The following C12orf42 variants were observed in gnomAD, a reference collection of about 807,000 sequenced individuals.
C12orf42 encodes the protein chromosome 12 open reading frame 42.
In C12orf42, 25 loss-of-function variants were observed where a neutral mutation model predicts 21.6. The observed-to-expected ratio is 1.16, with a 90% CI of 0.84 to 1.62. C12orf42 has a LOEUF of 1.62. Ranked by LOEUF, C12orf42 falls within the 40% of genes most tolerant of loss-of-function variation. The pLI, the probability that C12orf42 is intolerant of heterozygous loss-of-function variation, is 0.00. For synonymous variants in C12orf42, 174 were observed against 175.0 expected (o/e 0.99, Z 0.05); for missense variants, 483 against 459.3 (o/e 1.05, Z -0.47).
intron 10 of C12orf42, among the ~76,000 whole-genome samples, chr12:103,259,006 G>T (rs940108595): frequency 6.6e-6 from 1 of 152,112 alleles, no homozygotes; most frequent in Non-Finnish European, 1.5e-5. Flanking sequence ...AAACAAGGTG[G>T]TGTTCTTGCC....
chr12:103,066,526 C>G, the C12orf42 span, among the ~76,000 whole-genome samples: 75 of 152,324 alleles, frequency 4.9e-4, no homozygotes, highest in African/African-American at 1.7e-3. Flanking sequence ...CAAAAGCAGA[C>G]AGCTGCAGCA....
the C12orf42 span, among the ~76,000 whole-genome samples, chr12:103,552,210 T>C: frequency 6.6e-6 from 1 of 152,218 alleles, no homozygotes; most frequent in African/African-American, 2.4e-5. Context: ...ATTTAAATTG[T>C]AGTGTGAACA....
At chr12:103,164,480 A>G in the C12orf42 span, 1 of 454,810 alleles carries the variant, frequency 2.2e-6, no homozygotes, top group African/African-American at 2.0e-5. Context: ...GAATTACTGA[A>G]TAAGTGAGTA....
At chr12:103,309,338 A>G (rs1416785112) in intron 4 of C12orf42, among the ~76,000 whole-genome samples, 1 of 152,208 alleles carries the variant, frequency 6.6e-6, no homozygotes, top group Non-Finnish European at 1.5e-5. Context: ...ATCCACTTCC[A>G]CTTAATGAAT....
chr12:103,541,689 T>G, the C12orf42 span, among the ~76,000 whole-genome samples: 2 of 152,240 alleles, frequency 1.3e-5, no homozygotes, highest in African/African-American at 4.8e-5. Context: ...GAAACAGTAT[T>G]CTGGCAGCAG....
intron 2 of C12orf42, among the ~76,000 whole-genome samples, chr12:103,444,405 G>A (rs760759797): frequency 4.6e-5 from 7 of 152,122 alleles, no homozygotes; most frequent in Non-Finnish European, 8.8e-5. Flanking sequence ...ATCATTTATT[G>A]TATAATTCTG....
chr12:103,307,033 G>A (rs1385891143), intron 4 of C12orf42, among the ~76,000 whole-genome samples: 2 of 152,118 alleles, frequency 1.3e-5, no homozygotes, highest in Non-Finnish European at 2.9e-5. Flanking sequence ...TCCTACCCTA[G>A]GGGCTTCAGA....
At chr12:103,268,777 C>T (rs1555240822) in exon 7 of C12orf42, 2 of 152,104 alleles carry the variant, frequency 1.3e-5, no homozygotes, top group Non-Finnish European at 2.9e-5. Flanking sequence ...TACTAATAGT[C>T]ATGGGTTCAT....
chr12:103,553,050 A>C, the C12orf42 span, among the ~76,000 whole-genome samples: 4 of 152,140 alleles, frequency 2.6e-5, no homozygotes, highest in Middle Eastern at 3.2e-3. Flanking sequence ...TTACAATTCA[A>C]GATGAGATTT....
At chr12:103,218,354 C>A in the C12orf42 span, among the ~76,000 whole-genome samples, 1 of 151,776 alleles carries the variant, frequency 6.6e-6, no homozygotes, top group Admixed American at 6.6e-5. Flanking sequence ...ATAGACTAAA[C>A]CTGGTTTTAG....
intron 4 of C12orf42, among the ~76,000 whole-genome samples, chr12:103,312,495 G>C (rs1164942017): frequency 6.6e-6 from 1 of 152,180 alleles, no homozygotes; most frequent in Non-Finnish European, 1.5e-5. Context: ...TCTCTAAATT[G>C]CTCAAAGTTC....
the C12orf42 span, among the ~76,000 whole-genome samples, chr12:103,545,763 G>T: frequency 6.6e-6 from 1 of 152,154 alleles, no homozygotes; most frequent in South Asian, 2.1e-4. Flanking sequence ...CTCTTTCCCA[G>T]ATCAGTCCTG....
At chr12:103,478,525 T>C (rs906860892) in intron 1 of C12orf42, 78 bp from the exon 2 acceptor site, 50 of 613,302 alleles carry the variant, frequency 8.2e-5, no homozygotes, top group African/African-American at 5.6e-4. Context: ...ATGACATCTT[T>C]AAGAGCCAGA....
intron 10 of C12orf42, among the ~76,000 whole-genome samples, chr12:103,252,701 G>C (rs1416941521): frequency 6.6e-6 from 1 of 152,054 alleles, no homozygotes; most frequent in Non-Finnish European, 1.5e-5. Context: ...TTAGCCCTTT[G>C]TCAAATGAAT....
chr12:103,245,750 A>G (rs1243080650), intron 10 of C12orf42, among the ~76,000 whole-genome samples: 2 of 152,134 alleles, frequency 1.3e-5, no homozygotes, highest in Non-Finnish European at 2.9e-5. Context: ...TGTATAAAAC[A>G]TTACTTTGCC....
the C12orf42 span, among the ~76,000 whole-genome samples, chr12:103,217,552 C>T: frequency 6.7e-6 from 1 of 149,262 alleles, no homozygotes; most frequent in Non-Finnish European, 1.5e-5. Context: ...AAAAAAGCTA[C>T]TTCCAAAAAA....
the C12orf42 span, among the ~76,000 whole-genome samples, chr12:103,155,485 G>T: frequency 6.6e-6 from 1 of 152,140 alleles, no homozygotes; most frequent in Admixed American, 6.5e-5. Flanking sequence ...AGCACATAAT[G>T]AGTTTTATAA....
Position 103,277,140 on chromosome 12 carries a change from C to T in C12orf42, n.398+10G>A, listed in dbSNP as rs560206565. 3.3e-4 allele frequency: 149 copies of T among 455,642 alleles called. 3 individuals carry two copies. The highest frequency in any genetic ancestry group is 2.3e-3 in the South Asian group (145 of 64,412). 28.2% of individuals were successfully genotyped at this position (455,642 alleles called of 1,614,324 possible). A position where few individuals can be genotyped will look rare whatever the true frequency, so the allele number is the denominator to read the frequency against. ...CTTACGCTAGCAAAATCATACCAAA[C>T]GATACTCACTCTTCAAGGTGAAGAA... On this transcript the variant is annotated intron_variant and non_coding_transcript_variant, in intron 5 of 6. Transcript: ENST00000546526.
At chr12:103,511,345 T>C in the C12orf42 span, among the ~76,000 whole-genome samples, 3 of 150,092 alleles carry the variant, frequency 2.0e-5, no homozygotes, top group Non-Finnish European at 4.4e-5. Flanking sequence ...TTTGATAAAA[T>C]TGTTTATATT....
Sources: gnomAD v4.1 joint callset for allele counts (sites outside exome capture counted in the v4.1 genomes callset) on GRCh38, gnomAD v4.1.1 for gene constraint, MANE v1.5 for transcripts, NCBI Gene and HGNC (gene_info 2026-07-23, HGNC 2026-07-21) for gene names.